ZMIZ1: variants seen among roughly 807,000 people sequenced by gnomAD.
ZMIZ1 encodes zinc finger MIZ-type containing 1.
ZMIZ1 carries 17 observed loss-of-function variants against 113.9 expected under a neutral mutation model. The observed-to-expected ratio is 0.15, with a 90% confidence interval of 0.10 to 0.22. The LOEUF is 0.22. Ranked by LOEUF, ZMIZ1 falls within the 10% of genes least tolerant of loss-of-function variation. The pLI, the probability that ZMIZ1 is intolerant of heterozygous loss-of-function variation, is 1.00. For missense variants in ZMIZ1, 1,059 were observed against 1,477.8 expected (o/e 0.72, Z 4.65); for synonymous variants, 607 against 603.1 (o/e 1.01, Z -0.09).
intron 10 of ZMIZ1, 36 bp downstream of exon 10, chr10:79,291,212 G>T: frequency 6.4e-7 from 1 of 1,558,398 alleles, no homozygotes; most frequent in Non-Finnish European, 8.7e-7. Flanking sequence ...AGCCATGGAC[G>T]CCACCCCTCT....
intron 2 of ZMIZ1, among the ~76,000 whole-genome samples, chr10:79,121,856 G>C (rs1359418376): frequency 6.6e-6 from 1 of 152,164 alleles, no homozygotes; most frequent in Non-Finnish European, 1.5e-5. Context: ...AGAAGGCTCA[G>C]CTCCACCAAA....
chr10:79,282,139 G>A (rs1011092834), intron 8 of ZMIZ1, among the ~76,000 whole-genome samples: 1 of 152,164 alleles, frequency 6.6e-6, no homozygotes, highest in Admixed American at 6.5e-5. Flanking sequence ...AAACTGCAAC[G>A]GGGTCCAACA....
In ZMIZ1 at chr10:79,307,779, T is replaced by C. The variant is rs78047407; in HGVS notation, c.2835+208T>C. The stretch of plus-strand genomic sequence containing the variant: ...CTGTTTTACCTAGGATTTCGGATTC[T>C]CTGGAGATGGGGGAAGCTTCAGGCT... On this transcript the variant is annotated intron_variant, in intron 23 of 24. Transcript: ENST00000334512. Among the ~76,000 whole-genome samples the C allele has an allele frequency of 0.012, 1,847 of 152,128 alleles. 108 individuals are homozygous for C. In the East Asian group the frequency reaches 0.19, roughly 15 times the overall value.
intron 8 of ZMIZ1, among the ~76,000 whole-genome samples, chr10:79,287,193 C>T (rs1441968869): frequency 6.6e-6 from 1 of 152,214 alleles, no homozygotes; most frequent in African/African-American, 2.4e-5. Context: ...CAGTGACCTC[C>T]CTGGGAGACA....
intron 1 of ZMIZ1, among the ~76,000 whole-genome samples, chr10:79,090,087 A>T (rs1369433277): frequency 6.6e-6 from 1 of 152,002 alleles, no homozygotes; most frequent in Non-Finnish European, 1.5e-5. Flanking sequence ...CTTCTGAATG[A>T]CCCTACTGCT....
chr10:79,234,686 C>T (rs1849522696), intron 7 of ZMIZ1, among the ~76,000 whole-genome samples: 2 of 152,204 alleles, frequency 1.3e-5, no homozygotes, highest in South Asian at 4.1e-4. Context: ...GAGGGCCTGC[C>T]ACCTTGGAAC....
At chr10:79,122,899 T>C (rs758314483) in intron 2 of ZMIZ1, among the ~76,000 whole-genome samples, 13 of 152,232 alleles carry the variant, frequency 8.5e-5, no homozygotes, top group African/African-American at 1.7e-4. Context: ...TTTTCCCTTC[T>C]GGTAGAAAGC....
chr10:79,124,504 C>T (rs1408379180), intron 2 of ZMIZ1, among the ~76,000 whole-genome samples: 1 of 152,190 alleles, frequency 6.6e-6, no homozygotes, highest in African/African-American at 2.4e-5. Flanking sequence ...CCATTTTGTC[C>T]ATCAGCCAGC....
At chr10:79,287,629 A>G (rs994291765) in intron 8 of ZMIZ1, among the ~76,000 whole-genome samples, 1 of 152,258 alleles carries the variant, frequency 6.6e-6, no homozygotes, top group Non-Finnish European at 1.5e-5. Flanking sequence ...AAACCAAGAC[A>G]GAAGCTCAAG....
At chr10:79,192,728 A>G (rs1315086619) in intron 4 of ZMIZ1, among the ~76,000 whole-genome samples, 3 of 152,222 alleles carry the variant, frequency 2.0e-5, no homozygotes, top group Admixed American at 6.5e-5. Flanking sequence ...CCTGCTTGAC[A>G]GATGAGGATG....
At chr10:79,274,568 T>C (rs2131962191) in intron 7 of ZMIZ1, among the ~76,000 whole-genome samples, 1 of 152,358 alleles carries the variant, frequency 6.6e-6, no homozygotes, top group South Asian at 2.1e-4. Context: ...ACAACTTGTG[T>C]TGGTTTGCAC....
chr10:79,169,501 C>T (rs1846514121), intron 4 of ZMIZ1, among the ~76,000 whole-genome samples: 1 of 152,252 alleles, frequency 6.6e-6, no homozygotes, highest in Non-Finnish European at 1.5e-5. Flanking sequence ...AGCCTGTCCA[C>T]AGCCACAGCT....
chr10:79,303,981 C>G (rs1854513077), intron 18 of ZMIZ1, 34 bp from the exon 19 acceptor site: 1 of 1,612,016 alleles, frequency 6.2e-7, no homozygotes, highest in Non-Finnish European at 8.5e-7. Flanking sequence ...GACTGTCTTG[C>G]CATCCTCACC....
chr10:79,143,796 T>C (rs1363315195), intron 3 of ZMIZ1, among the ~76,000 whole-genome samples: 1 of 88,196 alleles, frequency 1.1e-5, no homozygotes. Context: ...GGCTGGGGGG[T>C]GGGGGTGGAG....
intron 1 of ZMIZ1, among the ~76,000 whole-genome samples, chr10:79,077,988 C>T (rs1842530805): frequency 6.6e-6 from 1 of 152,340 alleles, no homozygotes; most frequent in Admixed American, 6.5e-5. Flanking sequence ...ACCTAGGCTT[C>T]CTGATCTCCA....
At chr10:79,199,118 G>A (rs1032253826) in intron 4 of ZMIZ1, among the ~76,000 whole-genome samples, 1 of 152,108 alleles carries the variant, frequency 6.6e-6, no homozygotes, top group African/African-American at 2.4e-5. Context: ...CTTGTCTGAG[G>A]GCTCAAGCCT....
intron 7 of ZMIZ1, among the ~76,000 whole-genome samples, chr10:79,222,704 G>A (rs1849029930): frequency 6.6e-6 from 1 of 152,150 alleles, no homozygotes; most frequent in African/African-American, 2.4e-5. Flanking sequence ...GTGGCCTGTG[G>A]TCCATGGAGA....
At chr10:79,123,815 A>T (rs6480921) in intron 2 of ZMIZ1, among the ~76,000 whole-genome samples, 1 of 152,086 alleles carries the variant, frequency 6.6e-6, no homozygotes, top group East Asian at 1.9e-4. Context: ...GGGGCTGGCC[A>T]TGAAGACCTT....
intron 3 of ZMIZ1, among the ~76,000 whole-genome samples, chr10:79,157,290 TA>T (rs760119409): frequency 6.6e-6 from 1 of 151,742 alleles, no homozygotes; most frequent in Non-Finnish European, 1.5e-5. Context: ...CTACCAGGGT[TA>T]TTGAGGAAGG....
Sources: allele counts gnomAD v4.1 joint callset (sites outside exome capture counted in the v4.1 genomes callset), GRCh38; gene constraint gnomAD v4.1.1; transcripts MANE v1.5; gene names NCBI Gene and HGNC (gene_info 2026-07-23, HGNC 2026-07-21).